Variants in DACT1 observed in about 807,000 individuals in gnomAD.
DACT1 encodes the protein dishevelled binding antagonist of beta catenin 1.
In DACT1, 19 loss-of-function variants were observed where a neutral mutation model predicts 35.3. The observed-to-expected ratio is 0.54, with a 90% CI of 0.38 to 0.79. DACT1 has a LOEUF of 0.79. Among genes scored for constraint, DACT1 ranks in the 30% least tolerant of loss-of-function variants. DACT1 has a pLI of 0.00. For synonymous variants in DACT1, 545 were observed against 466.7 expected (o/e 1.17, Z -2.16); for missense variants, 1,143 against 1,057.5 (o/e 1.08, Z -1.12).
In DACT1 at chr14:58,646,191, C is replaced by T; in HGVS notation, c.1457C>T (p.Pro486Leu). The change falls in exon 4 of 4, where the codon CCT becomes CTT. Residue 486 changes from proline to leucine, a missense_variant. By Grantham distance (98) the Pro-to-Leu change is moderately conservative. This residue lies in a region of DACT1 where 1,054 missense variants were observed against 958.8 expected (regional missense o/e 1.10). Transcript: ENST00000395153. ...NSLQGVPPAT[P>L]PLLSTAFPVE... ...CTGCAGGGCGTCCCCCCGGCCACTC[C>T]TCCCCTGCTGTCTACAGCTTTCCCC... 6.2e-7 allele frequency: 1 copy of T among 1,613,632 alleles called. No homozygotes were observed.
In DACT1 at chr14:58,646,024, C is replaced by T. The variant is rs781652020; in HGVS notation, c.1290C>T (p.Ser430=). Residue 430 remains serine (S), a synonymous_variant, in exon 4 of 4, where the codon TCC becomes TCT. Coordinates refer to ENST00000395153, the MANE Select transcript of DACT1 (RefSeq NM_001079520.2). The part of the protein sequence containing the change: ...KPASQEHARC[S]AIGTGESPKE... ...CCTCGCAAGAACATGCTCGGTGTTC[C>T]GCCATTGGGACAGGGGAGTCCCCTA... is the stretch of plus-strand genomic sequence containing the variant. The T allele has an allele frequency of 9.3e-6, 15 of 1,613,972 alleles. No homozygotes were observed. In the African/African-American group the frequency reaches 1.6e-4, roughly 17 times the overall value.
chr14:58,638,058 C>G lies in DACT1; in HGVS notation c.-145C>G, dbSNP rs2047589489. 3.4e-6 allele frequency: 3 copies of G among 873,926 alleles called. No individual in the cohort carries two copies. Among genetic ancestry groups the G allele is most frequent in the Non-Finnish European group, 4.4e-6 (3 of 675,460 alleles). The allele number at this position is 873,926 out of a possible 1,614,324, so 54.1% of individuals were successfully genotyped here. On this transcript the variant is annotated 5_prime_UTR_variant, in exon 1 of 4. Coordinates refer to ENST00000395153, the MANE Select transcript of DACT1 (RefSeq NM_001079520.2). ...GCAGCCGGCGGTCGCGCGCAGGACT[C>G]GAGGGCTTCTAGCCACCGTCCCCGC... is the stretch of plus-strand genomic sequence containing the variant.
Position 58,645,943 on chromosome 14 carries a change from C to T in DACT1, c.1209C>T (p.Pro403=), listed in dbSNP as rs752636968. 1.9e-6 allele frequency: 3 copies of T among 1,613,892 alleles called. No homozygotes were observed. Among genetic ancestry groups the T allele is most frequent in the Non-Finnish European group, 1.7e-6 (2 of 1,180,034 alleles). ...GGGTGCCCCTGCCAGAGGGCTGCCC[C>T]TCAGGCGCTGCCTCCGACCTTCAGA... The part of the protein sequence containing the change: ...SKRVPLPEGC[P]SGAASDLQSK... Residue 403 remains proline, a synonymous_variant, in exon 4 of 4, where the codon CCC becomes CCT. Transcript: ENST00000395153.
Position 58,638,132 on chromosome 14 carries a change from G to A in DACT1, c.-71G>A. ...CGGCATGAGCCCACCCGCGGCCGCAGCCCTAGCGCCCTGCTCCTCCGCCTG... is the reference window on the plus strand; with the variant it reads ...CGGCATGAGCCCACCCGCGGCCGCAACCCTAGCGCCCTGCTCCTCCGCCTG... On this transcript the variant is annotated 5_prime_UTR_variant, in exon 1 of 4. Coordinates refer to ENST00000395153, the MANE Select transcript of DACT1 (RefSeq NM_001079520.2). 1 of 1,243,760 alleles carries A rather than the reference G, an allele frequency of 8.0e-7. No homozygotes were observed. Among genetic ancestry groups the A allele is most frequent in the Non-Finnish European group, 1.0e-6 (1 of 992,814 alleles). The allele number at this position is 1,243,760 out of a possible 1,614,324, so 77.0% of individuals were successfully genotyped here.
chr14:58,635,921 A>C (rs2047570025), upstream of DACT1, among the ~76,000 whole-genome samples: 1 of 152,204 alleles, frequency 6.6e-6, no homozygotes, highest in Non-Finnish European at 1.5e-5. Flanking sequence ...AGAATGAAAC[A>C]ATGACAGAGG....
Position 58,640,858 on chromosome 14 carries a change from G to C in DACT1, c.468G>C (p.Arg156=), listed in dbSNP as rs759801370. 1.9e-6 allele frequency: 3 copies of C among 1,614,038 alleles called. No individual in the cohort carries two copies. Among genetic ancestry groups the C allele is most frequent in the Non-Finnish European group, 2.5e-6 (3 of 1,180,018 alleles). ...TSEEHLETDS[R]PSSGFYELSD... is the part of the protein sequence containing the mutation. ...AAGAGCACCTGGAGACAGACAGTCG[G>C]CCTAGCTCAGGTGAGTGATTGAGCA... The change falls in exon 2 of 4, where the codon CGG becomes CGC. Residue 156 remains arginine (R), a synonymous_variant. Transcript: ENST00000395153.
At chr14:58,636,572 T>G (rs988761817), upstream of DACT1, among the ~76,000 whole-genome samples, 1 of 151,924 alleles carries the variant, frequency 6.6e-6, no homozygotes, top group African/African-American at 2.4e-5. Flanking sequence ...TAACTGGAGC[T>G]CAAAGGTTGG....
At position 58,645,869 on chromosome 14, in the gene DACT1, C is replaced by CCGAAGCAGTGGT. The variant is rs1317777253; in HGVS notation, c.1140_1151dup (p.Gln381_Lys384dup). Reference sequence around the variant, plus strand: ...TCTGAACAATGGGACATTCTCCCCACCGAAGCAGTGGTCGAAAGAATCAAA... The same window carrying CCGAAGCAGTGGT: ...TCTGAACAATGGGACATTCTCCCCACCGAAGCAGTGGTCGAAGCAGTGGTCGAAAGAATCAAA... On this transcript the variant is annotated inframe_insertion, in exon 4 of 4. Transcript: ENST00000395153. 2 of 1,614,134 alleles carry CCGAAGCAGTGGT rather than the reference C, an allele frequency of 1.2e-6. No individual in the cohort carries two copies. Among genetic ancestry groups the CCGAAGCAGTGGT allele is most frequent in the African/African-American group, 2.7e-5 (2 of 74,952 alleles).
upstream of DACT1, among the ~76,000 whole-genome samples, chr14:58,635,101 A>C (rs2047565453): frequency 6.6e-6 from 1 of 152,180 alleles, no homozygotes; most frequent in South Asian, 2.1e-4. Flanking sequence ...ACAACATTAG[A>C]AAGGAGATAA....
chr14:58,646,109 C>G lies in DACT1; in HGVS notation c.1375C>G (p.Pro459Ala), dbSNP rs1470612645. The G allele has an allele frequency of 6.2e-7, 1 of 1,612,716 alleles. No homozygotes were observed. Among genetic ancestry groups the G allele is most frequent in the South Asian group, 1.1e-5 (1 of 90,878 alleles). The part of the protein sequence containing the change: ...PKESPSRGPA[P>A]PQENKVVQPL... ...AGAGAGTCCTAGCAGAGGCCCTGCC[C>G]CGCCGCAGGAGAACAAAGTTGTACA... The change falls in exon 4 of 4, where the codon CCG (proline) becomes GCG (alanine). Residue 459 changes from proline to alanine, a missense_variant. By Grantham distance (27) the Pro-to-Ala change is conservative (BLOSUM62 -1). Coordinates refer to ENST00000395153, the MANE Select transcript of DACT1 (RefSeq NM_001079520.2).
At position 58,646,599 on chromosome 14, in the gene DACT1, G is replaced by A; in HGVS notation, c.1865G>A (p.Gly622Asp). The A allele has an allele frequency of 6.3e-7, 1 of 1,595,096 alleles. No individual in the cohort carries two copies. The highest frequency in any genetic ancestry group is 8.5e-7 in the Non-Finnish European group (1 of 1,171,216). Residue 622 changes from glycine (G) to aspartate (D), a missense_variant, in exon 4 of 4, where the codon GGC becomes GAC. Transcript: ENST00000395153. ...GGHRAGSRAH[G>D]HGREAVVAKP... ...CACAGGGCGGGGAGCAGGGCGCATG[G>A]CCACGGACGGGAGGCGGTGGTGGCC...
chr14:58,646,420 C>T lies in DACT1; in HGVS notation c.1686C>T (p.Pro562=), dbSNP rs1481437958. The change falls in exon 4 of 4, where the codon CCC becomes CCT. Residue 562 remains proline, a synonymous_variant. Coordinates refer to ENST00000395153, the MANE Select transcript of DACT1 (RefSeq NM_001079520.2). ...PALQGLENGL[P]TVREKTRAGS... ...TCCAGGGGCTGGAGAACGGCTTGCC[C>T]ACCGTCAGGGAGAAAACGCGGGCCG... 2.5e-6 allele frequency: 4 copies of T among 1,598,850 alleles called. No homozygotes were observed. The highest frequency in any genetic ancestry group is 2.2e-5 in the East Asian group (1 of 44,554).
chr14:58,643,924 TTA>T (rs2047650096), intron 3 of DACT1, among the ~76,000 whole-genome samples: 1 of 152,190 alleles, frequency 6.6e-6, no homozygotes, highest in Non-Finnish European at 1.5e-5. Flanking sequence ...TTTTGTTTTA[TTA>T]TGTTTTCTTT....
chr14:58,639,101 G>T (rs1426436512), intron 1 of DACT1: 1 of 985,346 alleles, frequency 1.0e-6, no homozygotes, highest in Non-Finnish European at 1.2e-6. Flanking sequence ...TTTCACCCAG[G>T]CTGGTGCTTA....
upstream of DACT1, among the ~76,000 whole-genome samples, chr14:58,636,038 A>G (rs2047570590): frequency 6.6e-6 from 1 of 152,244 alleles, no homozygotes; most frequent in Non-Finnish European, 1.5e-5. Context: ...GTGTTTGGCA[A>G]CAGCAGGCAT....
chr14:58,643,170 T>G (rs1160486678), intron 3 of DACT1, among the ~76,000 whole-genome samples: 1 of 152,226 alleles, frequency 6.6e-6, no homozygotes, highest in Non-Finnish European at 1.5e-5. Flanking sequence ...ATTCAGAAAT[T>G]GTTGTTTTCA....
chr14:58,645,236 T>A (rs751009896), intron 3 of DACT1, 133 bp from the exon 4 acceptor site: 8 of 1,592,104 alleles, frequency 5.0e-6, no homozygotes, highest in Non-Finnish European at 6.9e-6. Context: ...TTCTTCAGAG[T>A]GTACCTTTAA....
In DACT1 at chr14:58,647,178, T is replaced by A; in HGVS notation, c.*44T>A. On this transcript the variant is annotated 3_prime_UTR_variant, in exon 4 of 4. Transcript: ENST00000395153. ...AAAGTTTGTGTGTTTTTTTTTCTTCTCCCTAGTTGCCAAAATTAAAAAGGT... is the reference window on the plus strand; with the variant it reads ...AAAGTTTGTGTGTTTTTTTTTCTTCACCCTAGTTGCCAAAATTAAAAAGGT... 2 of 1,578,078 alleles carry A rather than the reference T, an allele frequency of 1.3e-6. No homozygotes were observed. The highest frequency in any genetic ancestry group is 2.4e-5 in the South Asian group (2 of 84,434).
upstream of DACT1, among the ~76,000 whole-genome samples, chr14:58,635,977 T>A (rs1477063282): frequency 6.6e-6 from 1 of 152,236 alleles, no homozygotes; most frequent in African/African-American, 2.4e-5. Context: ...CACTATCCTT[T>A]CGTGCCTTAC....
Sources: allele counts gnomAD v4.1 joint callset (sites outside exome capture counted in the v4.1 genomes callset), GRCh38; gene constraint gnomAD v4.1.1; regional missense constraint gnomAD v4.1.1; transcripts MANE v1.5; gene names NCBI Gene and HGNC (gene_info 2026-07-23, HGNC 2026-07-21).